The following BMPR1B variants were observed in gnomAD, a reference collection of about 807,000 sequenced individuals.
The protein encoded by BMPR1B is bone morphogenetic protein receptor type-1B.
BMPR1B carries 12 observed loss-of-function variants against 59.1 expected under a neutral mutation model. The ratio of observed to expected loss-of-function variants is 0.20; its 90% CI spans 0.13 to 0.33. BMPR1B has a LOEUF of 0.33. Among genes scored for constraint, BMPR1B ranks in the 10% least tolerant of loss-of-function variants. The pLI, the probability that BMPR1B is intolerant of heterozygous loss-of-function variation, is 1.00. For missense variants in BMPR1B, 550 were observed against 610.9 expected, an observed-to-expected ratio of 0.90 and a Z score of 1.05; for synonymous variants, 237 against 207.3, an observed-to-expected ratio of 1.14 and a Z score of -1.23.
At chr4:94,828,487 C>G (rs1560503721) in intron 1 of BMPR1B, among the ~76,000 whole-genome samples, 1 of 152,114 alleles carries the variant, frequency 6.6e-6, no homozygotes, top group Non-Finnish European at 1.5e-5. Flanking sequence ...TCTTTGATTA[C>G]AGGATTCCAG....
chr4:94,802,000 A>G (rs1723427083), intron 1 of BMPR1B, among the ~76,000 whole-genome samples: 1 of 152,240 alleles, frequency 6.6e-6, no homozygotes, highest in African/African-American at 2.4e-5. Context: ...ATTTCACTTT[A>G]TATTTTATAA....
intron 3 of BMPR1B, among the ~76,000 whole-genome samples, chr4:95,005,524 T>C (rs1390688342): frequency 1.3e-5 from 2 of 152,094 alleles, no homozygotes; most frequent in African/African-American, 4.8e-5. Context: ...CCAGGAGCCA[T>C]ACATGTTATC....
chr4:95,152,782 T>C lies in BMPR1B; in HGVS notation c.1383+9T>C, dbSNP rs1735141082. ...GGTGGAGCAGTGATGAGGTAAGGCT[T>C]GAGGTAACCATGTGGCTGTGACAGA... On this transcript the variant is annotated intron_variant, in intron 12 of 12. Coordinates refer to ENST00000515059, the MANE Select transcript of BMPR1B (RefSeq NM_001203.3). The C allele has an allele frequency of 6.2e-7, 1 of 1,611,498 alleles. No homozygotes were observed. Among genetic ancestry groups the C allele is most frequent in the African/African-American group, 1.3e-5 (1 of 74,850 alleles).
At chr4:94,969,285 C>A (rs1008444181) in intron 2 of BMPR1B, among the ~76,000 whole-genome samples, 2 of 152,014 alleles carry the variant, frequency 1.3e-5, no homozygotes, top group African/African-American at 4.8e-5. Flanking sequence ...TCTGCCCGAC[C>A]CGGCCTCCCA....
chr4:94,978,076 TC>T (rs1298343006), intron 2 of BMPR1B, among the ~76,000 whole-genome samples: 1 of 152,224 alleles, frequency 6.6e-6, no homozygotes, highest in African/African-American at 2.4e-5. Context: ...CCATTGGCTT[TC>T]ACTAACAATC....
chr4:95,036,939 C>T (rs1725293037), intron 3 of BMPR1B, among the ~76,000 whole-genome samples: 1 of 152,126 alleles, frequency 6.6e-6, no homozygotes, highest in African/African-American at 2.4e-5. Context: ...GATCTGGATG[C>T]TGCCACTAAA....
intron 1 of BMPR1B, among the ~76,000 whole-genome samples, chr4:94,817,050 A>T (rs529759193): frequency 6.6e-6 from 1 of 152,196 alleles, no homozygotes; most frequent in Admixed American, 6.5e-5. Context: ...CTTTGTTCTG[A>T]TATTCTGCCA....
intron 3 of BMPR1B, among the ~76,000 whole-genome samples, chr4:95,009,840 T>A (rs151114698): frequency 3.3e-5 from 5 of 152,286 alleles, no homozygotes; most frequent in African/African-American, 1.2e-4. Context: ...TGGGCCTCAG[T>A]GTACTCATTT....
intron 2 of BMPR1B, among the ~76,000 whole-genome samples, chr4:94,913,731 T>A (rs1728377306): frequency 6.6e-6 from 1 of 151,994 alleles, no homozygotes; most frequent in African/African-American, 2.4e-5. Flanking sequence ...AAAGACATAA[T>A]CCCTATTCTC....
rs182761217 is a variant in BMPR1B at position 95,104,680 on chromosome 4, C to T, written c.143+113C>T. 16 of 1,285,684 alleles carry T rather than the reference C, an allele frequency of 1.2e-5. No individual in the cohort carries two copies. The East Asian group carries it at 3.6e-4, about 29-fold the overall frequency. The allele number at this position is 1,285,684 out of a possible 1,614,324, so 79.6% of individuals were successfully genotyped here. On this transcript the variant is annotated intron_variant, in intron 4 of 12. Coordinates refer to ENST00000515059, the MANE Select transcript of BMPR1B (RefSeq NM_001203.3). ...ACATTTTAGAGAACAATGCCTAACA[C>T]TATCGTAAACTCTTAGAGCTGTGCT...
At chr4:94,841,647 T>C (rs1370581121) in intron 1 of BMPR1B, among the ~76,000 whole-genome samples, 2 of 152,036 alleles carry the variant, frequency 1.3e-5, no homozygotes, top group African/African-American at 2.4e-5. Context: ...CACCCACTGA[T>C]CTGCGCCCAC....
At chr4:94,800,170 GT>G (rs1210165261) in intron 1 of BMPR1B, among the ~76,000 whole-genome samples, 1 of 152,246 alleles carries the variant, frequency 6.6e-6, no homozygotes, top group East Asian at 1.9e-4. Context: ...AAGAAATTCT[GT>G]TTTCAGTGCC....
chr4:95,131,328 G>T lies in BMPR1B; in HGVS notation c.892G>T (p.Ala298Ser). 2.5e-6 allele frequency: 4 copies of T among 1,613,842 alleles called. No homozygotes were observed. Among genetic ancestry groups the T allele is most frequent in the Non-Finnish European group, 3.4e-6 (4 of 1,179,966 alleles). The change falls in exon 10 of 13, where the codon GCT becomes TCT. Residue 298 changes from alanine (A) to serine (S), a missense_variant. Physicochemically the swap from Ala to Ser is moderately conservative, Grantham distance 99. This residue lies in a region of BMPR1B where 318 missense variants were observed against 284.6 expected (regional missense o/e 1.12). Transcript: ENST00000515059. ...YDYLKSTTLDAKSMLKLAYSS... is the reference protein window; with the variant it reads ...YDYLKSTTLDSKSMLKLAYSS... ...TTATCTGAAGTCCACCACCCTAGAC[G>T]CTAAATCAATGCTGAAGTTAGCCTA...
chr4:94,896,757 T>A (rs903684519), intron 2 of BMPR1B, among the ~76,000 whole-genome samples: 4 of 152,044 alleles, frequency 2.6e-5, no homozygotes, highest in Admixed American at 6.6e-5. Context: ...TAGAAAATTA[T>A]TGGCTCTTAG....
intron 1 of BMPR1B, among the ~76,000 whole-genome samples, chr4:94,772,218 C>CA (rs1722211899): frequency 6.6e-6 from 1 of 152,192 alleles, no homozygotes; most frequent in Non-Finnish European, 1.5e-5. Context: ...CATCATCTGC[C>CA]AGCCAGCCAG....
In BMPR1B at chr4:95,081,689, T is replaced by C. The variant is rs531683610; in HGVS notation, c.-17-22719T>C. Among the ~76,000 whole-genome samples the C allele has an allele frequency of 4.6e-5, 7 of 152,300 alleles. No individual in the cohort carries two copies. The South Asian group carries it at 1.4e-3, about 32-fold the overall frequency. On this transcript the variant is annotated intron_variant, in intron 3 of 12. Transcript: ENST00000515059. Reference sequence around the variant, plus strand: ...CATTGATAGGGTTTTAGAACCTATATTGTAACTTTTAAGAAACTCCGTGAT... The same window carrying C: ...CATTGATAGGGTTTTAGAACCTATACTGTAACTTTTAAGAAACTCCGTGAT...
At chr4:95,074,386 T>C (rs1198303577) in intron 3 of BMPR1B, among the ~76,000 whole-genome samples, 1 of 152,144 alleles carries the variant, frequency 6.6e-6, no homozygotes, top group Admixed American at 6.6e-5. Flanking sequence ...AAATCTTTCC[T>C]TTCAGTTCAC....
At chr4:94,917,629 A>G (rs1411894839) in intron 2 of BMPR1B, among the ~76,000 whole-genome samples, 2 of 152,188 alleles carry the variant, frequency 1.3e-5, no homozygotes, top group African/African-American at 4.8e-5. Flanking sequence ...TCTTGGAAGT[A>G]AATAACTTGT....
At chr4:94,980,575 T>C (rs1560577946) in intron 2 of BMPR1B, among the ~76,000 whole-genome samples, 1 of 152,154 alleles carries the variant, frequency 6.6e-6, no homozygotes, top group Non-Finnish European at 1.5e-5. Flanking sequence ...ATTAGGTGAA[T>C]TGGCATATGT....
Sources: gnomAD v4.1 joint callset for allele counts (sites outside exome capture counted in the v4.1 genomes callset) on GRCh38, gnomAD v4.1.1 for gene constraint, gnomAD v4.1.1 regional missense constraint, MANE v1.5 for transcripts, NCBI Gene and HGNC (gene_info 2026-07-23, HGNC 2026-07-21) for gene names.